DNAH8: variants seen among roughly 807,000 people sequenced by gnomAD.
DNAH8 encodes the protein dynein axonemal heavy chain 8, also known as axonemal beta dynein heavy chain 8.
In DNAH8, 382 loss-of-function variants were observed where a neutral mutation model predicts 562.1. That is an observed-to-expected ratio of 0.68 (90% CI 0.63 to 0.74). The LOEUF is 0.74. DNAH8 is among the 30% of genes least tolerant of loss of function. DNAH8 has a pLI of 0.00. For synonymous variants in DNAH8, 1,881 were observed against 1,919.4 expected, an observed-to-expected ratio of 0.98 and a Z score of 0.52; for missense variants, 5,203 against 5,620.4, an observed-to-expected ratio of 0.93 and a Z score of 2.37.
At chr6:38,888,274 C>G (rs1170993450) in intron 57 of DNAH8, among the ~76,000 whole-genome samples, 1 of 151,948 alleles carries the variant, frequency 6.6e-6, no homozygotes, top group Non-Finnish European at 1.5e-5. Context: ...ATATGGAAGG[C>G]AAGGCTGTAA....
chr6:38,884,049 A>G, intron 56 of DNAH8, 51 bp downstream of exon 56: 14 of 1,096,184 alleles, frequency 1.3e-5, no homozygotes, highest in Non-Finnish European at 1.6e-5. Flanking sequence ...ATTTTTATGT[A>G]TATATATTAT....
At chr6:38,802,389 A>T (rs1770862390) in intron 21 of DNAH8, among the ~76,000 whole-genome samples, 1 of 152,212 alleles carries the variant, frequency 6.6e-6, no homozygotes, top group African/African-American at 2.4e-5. Flanking sequence ...GATTATAGGC[A>T]CAAGACACTG....
rs75940983 is a variant in DNAH8, at chr6:38,776,944, C to A, written c.1962+993C>A. Among the ~76,000 whole-genome samples the A allele has an allele frequency of 2.4e-3, 363 of 152,294 alleles. 1 individual carries two copies. The Middle Eastern group carries it at 0.027, about 11-fold the overall frequency. Reference sequence around the variant, plus strand: ...AGCAGGGAGAAGAATATACTTTGTACACTTTTTAAGTCTGATATCCTTGCC... The same window carrying A: ...AGCAGGGAGAAGAATATACTTTGTAAACTTTTTAAGTCTGATATCCTTGCC... On this transcript the variant is annotated intron_variant, in intron 13 of 92. Coordinates refer to ENST00000327475, the MANE Select transcript of DNAH8 (RefSeq NM_001206927.2).
rs1768267486 is a variant in DNAH8 at position 38,778,412 on chromosome 6, A to C, written c.1987A>C (p.Ser663Arg). ...GGTACAAATACAGGCATTTATGAAC[A>C]GTAGTTTTGGGAAAATCTTATCTTC... ...LEVQIQAFMN[S>R]SFGKILSSQQ... Residue 663 changes from serine to arginine, a missense_variant, in exon 14 of 93, where the codon AGT becomes CGT. By Grantham distance (110) the Ser-to-Arg change is moderately radical (BLOSUM62 -1). Around this residue, in one of 6 missense-constraint regions of DNAH8, gnomAD observed 2,176 missense variants for 2,365.1 expected, o/e 0.92. Coordinates refer to ENST00000327475, the MANE Select transcript of DNAH8 (RefSeq NM_001206927.2). The C allele has an allele frequency of 6.3e-7, 1 of 1,583,600 alleles. No homozygotes were observed. The highest frequency in any genetic ancestry group is 8.7e-7 in the Non-Finnish European group (1 of 1,154,292).
intron 45 of DNAH8, among the ~76,000 whole-genome samples, chr6:38,864,289 A>T (rs1436389115): frequency 6.6e-6 from 1 of 152,214 alleles, no homozygotes; most frequent in Non-Finnish European, 1.5e-5. Context: ...TATGCTAAGG[A>T]TAATAATAGA....
At chr6:39,020,678 C>G (rs1046909779) in intron 91 of DNAH8, among the ~76,000 whole-genome samples, 3 of 152,170 alleles carry the variant, frequency 2.0e-5, no homozygotes, top group African/African-American at 7.2e-5. Context: ...TTCCCCTTCC[C>G]CCACCAATAG....
intron 8 of DNAH8, among the ~76,000 whole-genome samples, chr6:38,743,924 A>G (rs1281652562): frequency 6.6e-6 from 1 of 152,136 alleles, no homozygotes; most frequent in Non-Finnish European, 1.5e-5. Flanking sequence ...TGTTAACTCT[A>G]TGCTTAACTT....
intron 8 of DNAH8, among the ~76,000 whole-genome samples, chr6:38,742,394 C>A (rs566987577): frequency 2.0e-5 from 3 of 152,076 alleles, no homozygotes; most frequent in Non-Finnish European, 2.9e-5. Context: ...ACCTCCCAGG[C>A]TCAAGCGATT....
chr6:38,716,252 C>T (rs1762336434), intron 1 of DNAH8, among the ~76,000 whole-genome samples: 1 of 151,612 alleles, frequency 6.6e-6, no homozygotes, highest in Non-Finnish European at 1.5e-5. Context: ...TGAGCCACCA[C>T]GCCCGGCCAT....
Position 38,775,760 on chromosome 6 carries a change from G to C in DNAH8, c.1771G>C (p.Glu591Gln). Residue 591 changes from glutamate to glutamine, a missense_variant, in exon 13 of 93, where the codon GAA becomes CAA. Physicochemically the swap from Glu to Gln is conservative, Grantham distance 29. This residue lies in a region of DNAH8 where 2,176 missense variants were observed against 2,365.1 expected (regional missense o/e 0.92). Transcript: ENST00000327475. Reference sequence around the variant, plus strand: ...TAACATTTCTCTTTTTAAGATTACAGAAATGATAACTGTTGTGCAAACATA... The same window carrying C: ...TAACATTTCTCTTTTTAAGATTACACAAATGATAACTGTTGTGCAAACATA... ...AFCKRLEKIT[E>Q]MITVVQTYST... 6.3e-7 allele frequency: 1 copy of C among 1,577,026 alleles called. No individual in the cohort carries two copies. Among genetic ancestry groups the C allele is most frequent in the South Asian group, 1.1e-5 (1 of 88,158 alleles).
chr6:38,914,880 G>T (rs1426410732), intron 67 of DNAH8, among the ~76,000 whole-genome samples: 1 of 151,928 alleles, frequency 6.6e-6, no homozygotes, highest in Admixed American at 6.6e-5. Context: ...ATGGTTTTTT[G>T]CCCTTATTCT....
In DNAH8 at chr6:38,777,468, G is replaced by C. The variant is rs550231624; in HGVS notation, c.1963-920G>C. On this transcript the variant is annotated intron_variant, in intron 13 of 92. Coordinates refer to ENST00000327475, the MANE Select transcript of DNAH8 (RefSeq NM_001206927.2). Reference sequence around the variant, plus strand: ...CTTCGTTTTCCAATGTTTGATTTATGGGTGTGGTATATATTAATAGACCAT... The same window carrying C: ...CTTCGTTTTCCAATGTTTGATTTATCGGTGTGGTATATATTAATAGACCAT... Among the ~76,000 whole-genome samples, 29 of 152,212 alleles carry C rather than the reference G, an allele frequency of 1.9e-4. No individual in the cohort carries two copies. In the South Asian group the frequency reaches 5.6e-3, roughly 29 times the overall value.
At chr6:38,898,693 A>G (rs1418918942) in intron 61 of DNAH8, among the ~76,000 whole-genome samples, 1 of 152,198 alleles carries the variant, frequency 6.6e-6, no homozygotes, top group Non-Finnish European at 1.5e-5. Context: ...GAAAAAATAT[A>G]CTTCCCTCAA....
intron 56 of DNAH8, among the ~76,000 whole-genome samples, chr6:38,884,536 C>A (rs140920942): frequency 1.3e-5 from 2 of 152,108 alleles, no homozygotes; most frequent in Admixed American, 6.6e-5. Context: ...TCAGATGATC[C>A]GCCCACCTCG....
At chr6:38,768,509 T>C (rs1168084556) in intron 11 of DNAH8, among the ~76,000 whole-genome samples, 1 of 151,994 alleles carries the variant, frequency 6.6e-6, no homozygotes, top group Non-Finnish European at 1.5e-5. Flanking sequence ...TAAGCCATCA[T>C]CTGCCTTGGC....
At chr6:38,797,302 TAGGCTTCTTA>T (rs1285772183) in intron 21 of DNAH8, among the ~76,000 whole-genome samples, 1 of 152,184 alleles carries the variant, frequency 6.6e-6, no homozygotes. Context: ...AGAGGCCAGC[TAGGCTTCTTA>T]AGTCGAGTAA....
intron 49 of DNAH8, among the ~76,000 whole-genome samples, chr6:38,871,839 C>G (rs1777488849): frequency 6.6e-6 from 1 of 152,164 alleles, no homozygotes; most frequent in African/African-American, 2.4e-5. Flanking sequence ...CCATCCACCC[C>G]CAAACAAACG....
Position 38,966,080 on chromosome 6 carries a change from G to C in DNAH8, c.12452-5512G>C, listed in dbSNP as rs191140270. On this transcript the variant is annotated intron_variant, in intron 82 of 92. Coordinates refer to ENST00000327475, the MANE Select transcript of DNAH8 (RefSeq NM_001206927.2). The stretch of plus-strand genomic sequence containing the variant: ...GAAGTCAAAGGTATCTTTTTTGAAA[G>C]ATCAATAAAACTGACAAATATTTAG... Among the ~76,000 whole-genome samples the C allele has an allele frequency of 2.0e-4, 31 of 152,024 alleles. No homozygotes were observed. The Middle Eastern group carries it at 0.01, about 50-fold the overall frequency.
intron 21 of DNAH8, among the ~76,000 whole-genome samples, chr6:38,792,650 A>G (rs1246098624): frequency 6.6e-6 from 1 of 152,176 alleles, no homozygotes; most frequent in African/African-American, 2.4e-5. Flanking sequence ...TGTTGAAACT[A>G]TTTAGATACC....
Sources: allele counts gnomAD v4.1 joint callset (sites outside exome capture counted in the v4.1 genomes callset), GRCh38; gene constraint gnomAD v4.1.1; regional missense constraint gnomAD v4.1.1; transcripts MANE v1.5; gene names NCBI Gene and HGNC (gene_info 2026-07-23, HGNC 2026-07-21).